The following CADM2 variants were observed in gnomAD, a reference collection of about 807,000 sequenced individuals.
The protein encoded by CADM2 is immunoglobulin superfamily member 4D.
Under a neutral mutation model 49.8 loss-of-function variants are expected in CADM2, and 12 were observed. The observed-to-expected ratio is 0.24, with a 90% CI of 0.15 to 0.39. CADM2 has a LOEUF of 0.39. Among genes scored for constraint, CADM2 ranks in the 10% least tolerant of loss-of-function variants. The probability of loss-of-function intolerance (pLI) is 1.00; values close to 1 mark genes in which losing one functional copy is unlikely to be tolerated. For missense variants in CADM2, 378 were observed against 492.3 expected (o/e 0.77, Z 2.20); for synonymous variants, 214 against 175.4 (o/e 1.22, Z -1.74).
At chr3:85,610,449 G>A (rs1449398) in intron 1 of CADM2, among the ~76,000 whole-genome samples, 44,367 of 151,632 alleles carry the variant, frequency 0.29, 7,896 homozygotes, top group East Asian at 0.61. Context: ...TAAAATAAAA[G>A]CAAACCAGGA....
rs574491974 is a variant in CADM2, at chr3:86,063,121, T to G, written c.971-2484T>G. On this transcript the variant is annotated intron_variant, in intron 8 of 9. Transcript: ENST00000383699. Reference sequence around the variant, plus strand: ...ACCTCGTTTCCTTTACACAAACCACTACCACATCCCATCTAAAGAAACAAC... The same window carrying G: ...ACCTCGTTTCCTTTACACAAACCACGACCACATCCCATCTAAAGAAACAAC... 5.4e-4 allele frequency among the ~76,000 whole-genome samples: 82 copies of G among 152,272 alleles called. 1 individual carries two copies. Among genetic ancestry groups the G allele is most frequent in the South Asian group, 3.9e-3 (19 of 4,824 alleles).
intron 3 of CADM2, among the ~76,000 whole-genome samples, chr3:85,876,561 A>T (rs1401557173): frequency 6.6e-6 from 1 of 152,182 alleles, no homozygotes; most frequent in Non-Finnish European, 1.5e-5. Flanking sequence ...ATGTTCTCTT[A>T]AAAGTGACTC....
chr3:85,338,932 T>C (rs2045165893), intron 1 of CADM2, among the ~76,000 whole-genome samples: 1 of 151,518 alleles, frequency 6.6e-6, no homozygotes, highest in Non-Finnish European at 1.5e-5. Flanking sequence ...GTTTAAGTTT[T>C]AAATAATGTA....
chr3:85,242,475 G>T (rs1187634458), intron 1 of CADM2, among the ~76,000 whole-genome samples: 1 of 151,486 alleles, frequency 6.6e-6, no homozygotes, highest in Non-Finnish European at 1.5e-5. Context: ...CAAGTCTACT[G>T]ACCATATATT....
chr3:85,276,172 AATACACACAAAG>A (rs2043353122), intron 1 of CADM2, among the ~76,000 whole-genome samples: 1 of 151,294 alleles, frequency 6.6e-6, no homozygotes, highest in Non-Finnish European at 1.5e-5. Flanking sequence ...ACAAGCCATT[AATACACACAAAG>A]ATACACACAC....
chr3:85,884,319 G>C (rs547238153), intron 4 of CADM2, among the ~76,000 whole-genome samples: 30 of 152,288 alleles, frequency 2.0e-4, no homozygotes, highest in Admixed American at 8.5e-4. Flanking sequence ...AACACATGCT[G>C]TTCTTTTTGG....
intron 1 of CADM2, among the ~76,000 whole-genome samples, chr3:85,593,591 C>A (rs990238403): frequency 6.6e-6 from 1 of 151,892 alleles, no homozygotes; most frequent in Non-Finnish European, 1.5e-5. Flanking sequence ...GAGGCATTAT[C>A]GGCACGCAGA....
At chr3:85,156,736 T>C (rs1222033910) in intron 1 of CADM2, among the ~76,000 whole-genome samples, 1 of 152,200 alleles carries the variant, frequency 6.6e-6, no homozygotes, top group Non-Finnish European at 1.5e-5. Flanking sequence ...AATATCATAC[T>C]GAAGGGGCAA....
intron 1 of CADM2, among the ~76,000 whole-genome samples, chr3:85,568,238 A>G (rs969170688): frequency 6.6e-6 from 1 of 152,156 alleles, no homozygotes; most frequent in African/African-American, 2.4e-5. Flanking sequence ...AGTCCAAATA[A>G]TCACAATTCA....
chr3:85,720,034 T>C (rs1005854043), intron 1 of CADM2, among the ~76,000 whole-genome samples: 1 of 152,178 alleles, frequency 6.6e-6, no homozygotes, highest in Non-Finnish European at 1.5e-5. Context: ...AAGTATCTAA[T>C]GTTCAACTCA....
intron 7 of CADM2, among the ~76,000 whole-genome samples, chr3:85,948,275 AAGTT>A (rs1403184249): frequency 6.6e-6 from 1 of 151,456 alleles, no homozygotes; most frequent in Non-Finnish European, 1.5e-5. Flanking sequence ...GTATTTTTAA[AAGTT>A]AGTCTATTGC....
chr3:85,066,004 C>T (rs1340364091), intron 1 of CADM2, among the ~76,000 whole-genome samples: 1 of 152,096 alleles, frequency 6.6e-6, no homozygotes, highest in Non-Finnish European at 1.5e-5. Context: ...GGAGGTTTCA[C>T]TGGAGCGTGG....
intron 2 of CADM2, among the ~76,000 whole-genome samples, chr3:85,731,828 T>C (rs902438690): frequency 6.6e-6 from 1 of 152,204 alleles, no homozygotes. Flanking sequence ...GAGAGGCTTA[T>C]ATAATACTTA....
At chr3:85,515,436 T>TTTATTA (rs3086159) in intron 1 of CADM2, among the ~76,000 whole-genome samples, 1 of 125,276 alleles carries the variant, frequency 8.0e-6, no homozygotes. Context: ...TTTTTTTTTT[T>TTTATTA]ATTATTATAT....
chr3:85,397,340 G>T (rs2034841360), intron 1 of CADM2, among the ~76,000 whole-genome samples: 1 of 152,104 alleles, frequency 6.6e-6, no homozygotes, highest in African/African-American at 2.4e-5. Flanking sequence ...AAAGAGCTAA[G>T]CCTAGTAGAA....
intron 1 of CADM2, among the ~76,000 whole-genome samples, chr3:84,982,830 C>A (rs1000627906): frequency 6.7e-6 from 1 of 150,200 alleles, no homozygotes; most frequent in African/African-American, 2.5e-5. Context: ...ACTGCAACCT[C>A]CCCGTCCCTG....
At chr3:85,093,067 A>G (rs370692646) in intron 1 of CADM2, among the ~76,000 whole-genome samples, 4 of 152,250 alleles carry the variant, frequency 2.6e-5, no homozygotes, top group East Asian at 1.9e-4. Context: ...TCAGTTTAAA[A>G]TTTGCTGCAT....
At position 85,977,597 on chromosome 3, in the gene CADM2, A is replaced by C. The variant is rs910045918; in HGVS notation, c.970+15950A>C. ...CTCCAGTCTGCCTAAACTGTTTAAG[A>C]AATCTTACCTTGAAATAAGGAGTTA... is the stretch of plus-strand genomic sequence containing the variant. On this transcript the variant is annotated intron_variant, in intron 8 of 9. Coordinates refer to ENST00000383699, the MANE Select transcript of CADM2 (RefSeq NM_001167675.2). Among the ~76,000 whole-genome samples, 5 of 151,762 alleles carry C rather than the reference A, an allele frequency of 3.3e-5. No homozygotes were observed. The South Asian group carries it at 8.3e-4, about 25-fold the overall frequency.
rs72917156 is a variant in CADM2, at chr3:85,256,952, A to G, written c.61+297284A>G. ...TTTCTGAAATGTATTTTATTTAACC[A>G]ACATTTATAGAGGTTTCATCATATG... On this transcript the variant is annotated intron_variant, in intron 1 of 9. Transcript: ENST00000383699. Among the ~76,000 whole-genome samples the G allele has an allele frequency of 6.4e-3, 981 of 152,258 alleles. 14 individuals carry two copies. Among genetic ancestry groups the G allele is most frequent in the African/African-American group, 0.022 (916 of 41,572 alleles).
Sources: allele counts gnomAD v4.1 joint callset (sites outside exome capture counted in the v4.1 genomes callset), GRCh38; gene constraint gnomAD v4.1.1; transcripts MANE v1.5; gene names NCBI Gene and HGNC (gene_info 2026-07-23, HGNC 2026-07-21).